Variants in CACNA2D2 observed in about 807,000 individuals in gnomAD.
CACNA2D2 encodes calcium voltage-gated channel auxiliary subunit alpha2delta 2.
A neutral mutation model predicts 166.4 loss-of-function variants in CACNA2D2; 48 were observed. That is an observed-to-expected ratio of 0.29 (90% CI 0.23 to 0.37). CACNA2D2 has a LOEUF of 0.37. CACNA2D2 is among the 10% of genes least tolerant of loss of function. The pLI is 1.00. For synonymous variants in CACNA2D2, 561 were observed against 573.7 expected, an observed-to-expected ratio of 0.98 and a Z score of 0.32; for missense variants, 1,122 against 1,433.0, an observed-to-expected ratio of 0.78 and a Z score of 3.50.
At chr3:50,437,983 G>A (rs374885770) in intron 2 of CACNA2D2, among the ~76,000 whole-genome samples, 9 of 152,222 alleles carry the variant, frequency 5.9e-5, no homozygotes, top group African/African-American at 1.9e-4. Context: ...TAAGGAGCAC[G>A]ACGGGGCCCA....
At chr3:50,479,532 C>A (rs1380739037) in intron 1 of CACNA2D2, among the ~76,000 whole-genome samples, 1 of 152,226 alleles carries the variant, frequency 6.6e-6, no homozygotes, top group Non-Finnish European at 1.5e-5. Context: ...CGCCAGTGTC[C>A]CAGTGCCACC....
chr3:50,477,640 C>A (rs1159863703), intron 1 of CACNA2D2, among the ~76,000 whole-genome samples: 1 of 152,216 alleles, frequency 6.6e-6, no homozygotes, highest in Non-Finnish European at 1.5e-5. Context: ...TCCCATTTTA[C>A]AGACCAAGAC....
At chr3:50,377,659 C>A (rs1460768554) in intron 16 of CACNA2D2, 73 bp downstream of exon 16, 3 of 1,532,834 alleles carry the variant, frequency 2.0e-6, no homozygotes, top group South Asian at 2.3e-5. Flanking sequence ...CCCTCTTCCA[C>A]CCTCAGACCT....
At chr3:50,487,239 G>A (rs1050113437) in intron 1 of CACNA2D2, among the ~76,000 whole-genome samples, 9 of 152,302 alleles carry the variant, frequency 5.9e-5, no homozygotes, top group East Asian at 1.9e-4. Flanking sequence ...GGTAAGAGCC[G>A]CCCCTCGTAT....
intron 3 of CACNA2D2, among the ~76,000 whole-genome samples, chr3:50,401,472 T>C (rs1706451889): frequency 6.6e-6 from 1 of 151,900 alleles, no homozygotes; most frequent in Admixed American, 6.6e-5. Context: ...AGGAAAAATA[T>C]GAAGAAATGA....
intron 3 of CACNA2D2, among the ~76,000 whole-genome samples, chr3:50,399,872 G>C (rs889345099): frequency 2.0e-5 from 3 of 152,140 alleles, no homozygotes; most frequent in African/African-American, 4.8e-5. Flanking sequence ...TCTCCTAGGA[G>C]AGAGGATCAG....
At chr3:50,378,456 G>T in intron 13 of CACNA2D2, 123 bp from the exon 14 acceptor site, 1 of 964,534 alleles carries the variant, frequency 1.0e-6, no homozygotes, top group Non-Finnish European at 1.6e-6. Flanking sequence ...TCTTTTTGGG[G>T]TCCTCTCCCT....
intron 2 of CACNA2D2, among the ~76,000 whole-genome samples, chr3:50,472,906 T>C (rs1211509538): frequency 2.0e-5 from 3 of 151,856 alleles, no homozygotes; most frequent in African/African-American, 2.4e-5. Context: ...AGTGGGAGGG[T>C]AGAAAAGAGG....
intron 22 of CACNA2D2, chr3:50,373,234 C>T (rs920341403): frequency 1.3e-5 from 9 of 712,388 alleles, no homozygotes; most frequent in African/African-American, 5.4e-5. Context: ...CATCATCATA[C>T]CGAAAGGAAA....
intron 4 of CACNA2D2, among the ~76,000 whole-genome samples, chr3:50,388,051 T>C (rs1427918548): frequency 1.3e-5 from 2 of 152,208 alleles, no homozygotes; most frequent in East Asian, 1.9e-4. Context: ...TACGGGCATG[T>C]ACTTATTAAT....
At chr3:50,390,516 T>TCC (rs754697218) in intron 4 of CACNA2D2, among the ~76,000 whole-genome samples, 15 of 151,628 alleles carry the variant, frequency 9.9e-5, no homozygotes. Flanking sequence ...TGTGGAAGAG[T>TCC]CCCGGGTGGA....
At chr3:50,387,808 C>A (rs1705689288) in intron 4 of CACNA2D2, among the ~76,000 whole-genome samples, 196 bp from the exon 5 acceptor site, 1 of 152,156 alleles carries the variant, frequency 6.6e-6, no homozygotes, top group Non-Finnish European at 1.5e-5. Flanking sequence ...CTTCAGGGGC[C>A]CTGCACAGGC....
In CACNA2D2 at chr3:50,503,445, C is replaced by T. The variant is rs1699070370; in HGVS notation, c.-22G>A. On this transcript the variant is annotated 5_prime_UTR_variant, in exon 1 of 38. Coordinates refer to ENST00000424201, the MANE Select transcript of CACNA2D2 (RefSeq NM_006030.4). ...CCATGTTTCCATTCAAGATGCGGCG[C>T]CGCGGGGAGGGGGGGCAGTGGCGGC... is the stretch of plus-strand genomic sequence containing the variant. 1 of 184,192 alleles carries T rather than the reference C, an allele frequency of 5.4e-6. No homozygotes were observed. The highest frequency in any genetic ancestry group is 1.4e-4 in the East Asian group (1 of 7,262). 11.4% of individuals were successfully genotyped at this position (184,192 alleles called of 1,614,324 possible).
At chr3:50,424,358 A>C (rs1212622866) in intron 3 of CACNA2D2, among the ~76,000 whole-genome samples, 3 of 152,090 alleles carry the variant, frequency 2.0e-5, no homozygotes, top group Non-Finnish European at 4.4e-5. Context: ...TACCCCAGGG[A>C]GACTGGCCTC....
At chr3:50,387,519 A>C (rs2106701827) in intron 5 of CACNA2D2, 49 bp downstream of exon 5, 1 of 1,536,358 alleles carries the variant, frequency 6.5e-7, no homozygotes, top group African/African-American at 1.4e-5. Context: ...TTTACAGCCA[A>C]GGCCACCAAG....
rs587625466 is a variant in CACNA2D2, at chr3:50,373,901, G to C, written c.1984+836C>G. Among the ~76,000 whole-genome samples, 8 of 64,632 alleles carry C rather than the reference G, an allele frequency of 1.2e-4. No individual in the cohort carries two copies. In the South Asian group the frequency reaches 4.2e-3, roughly 34 times the overall value. The allele number at this position is 64,632 out of a possible 152,430, so 42.4% of individuals were successfully genotyped here. ...AGAGAGAGAGAGGCACCATGGGAAGGGGGCACCACAGGGGTAGAGAGCTGA... is the reference window on the plus strand; with the variant it reads ...AGAGAGAGAGAGGCACCATGGGAAGCGGGCACCACAGGGGTAGAGAGCTGA... On this transcript the variant is annotated intron_variant, in intron 22 of 37. Coordinates refer to ENST00000424201, the MANE Select transcript of CACNA2D2 (RefSeq NM_006030.4).
intron 3 of CACNA2D2, among the ~76,000 whole-genome samples, chr3:50,397,651 C>T (rs1186524471): frequency 6.6e-6 from 1 of 152,234 alleles, no homozygotes; most frequent in African/African-American, 2.4e-5. Context: ...TGGCAGCCCC[C>T]TTCCTCCAAC....
intron 3 of CACNA2D2, among the ~76,000 whole-genome samples, chr3:50,417,258 C>A (rs1469709681): frequency 6.6e-6 from 1 of 152,160 alleles, no homozygotes; most frequent in Non-Finnish European, 1.5e-5. Flanking sequence ...CTGGCCCACA[C>A]CTTAGCCATA....
intron 2 of CACNA2D2, among the ~76,000 whole-genome samples, chr3:50,438,743 A>T (rs1385495968): frequency 6.6e-6 from 1 of 152,088 alleles, no homozygotes; most frequent in Non-Finnish European, 1.5e-5. Context: ...CATTTTAGAA[A>T]GTCAGCAGCA....
Sources: allele counts gnomAD v4.1 joint callset (sites outside exome capture counted in the v4.1 genomes callset), GRCh38; gene constraint gnomAD v4.1.1; transcripts MANE v1.5; gene names NCBI Gene and HGNC (gene_info 2026-07-23, HGNC 2026-07-21).